CHRM5: variants seen among roughly 807,000 people sequenced by gnomAD.
CHRM5 encodes cholinergic receptor muscarinic 5.
A neutral mutation model predicts 39.0 loss-of-function variants in CHRM5; 18 were observed. That is an observed-to-expected ratio of 0.46 (90% CI 0.32 to 0.68). The LOEUF (loss-of-function observed/expected upper bound fraction) is 0.68. CHRM5 is among the 30% of genes least tolerant of loss of function. The pLI is 0.04. For synonymous variants in CHRM5, 241 were observed against 246.3 expected (o/e 0.98, Z 0.20); for missense variants, 515 against 651.1 (o/e 0.79, Z 2.28).
intron 2 of CHRM5, among the ~76,000 whole-genome samples, chr15:34,053,313 A>AT (rs1480493613): frequency 2.3e-4 from 22 of 94,604 alleles, no homozygotes; most frequent in African/African-American, 3.5e-4. Flanking sequence ...AAAAAAAAAA[A>AT]AAAAAAATAT....
At chr15:34,039,085 G>C (rs1021896833) in intron 1 of CHRM5, 86 of 1,079,138 alleles carry the variant, frequency 8.0e-5, no homozygotes, top group Admixed American at 5.9e-4. Flanking sequence ...CGGGAGCCGA[G>C]CTGCGGCGGA....
intron 1 of CHRM5, among the ~76,000 whole-genome samples, chr15:34,023,136 G>A (rs1363667783): frequency 1.3e-5 from 2 of 152,116 alleles, no homozygotes; most frequent in African/African-American, 4.8e-5. Flanking sequence ...AACTGAGATC[G>A]CGCCACTGCG....
At chr15:34,013,730 T>C (rs1015466766) in intron 1 of CHRM5, among the ~76,000 whole-genome samples, 1 of 151,996 alleles carries the variant, frequency 6.6e-6, no homozygotes, top group African/African-American at 2.4e-5. Context: ...AGAAAAAACA[T>C]CACCAATGGG....
At position 34,062,945 on chromosome 15, in the gene CHRM5, T is replaced by C. The variant is rs750841044; in HGVS notation, c.228T>C (p.Asp76=). Residue 76 remains aspartate, a synonymous_variant, in exon 3 of 3, where the codon GAT becomes GAC. Coordinates refer to ENST00000383263, the MANE Select transcript of CHRM5 (RefSeq NM_012125.4). ...ACCTGCTCAGCTTAGCCTGTGCAGA[T>C]CTCATCATTGGAATCTTCTCCATGA... ...NYYLLSLACA[D]LIIGIFSMNL... 13 of 1,614,050 alleles carry C rather than the reference T, an allele frequency of 8.1e-6. No homozygotes were observed. The highest frequency in any genetic ancestry group is 1.1e-5 in the Non-Finnish European group (13 of 1,180,040).
chr15:33,972,734 A>G (rs1311109707), intron 1 of CHRM5, among the ~76,000 whole-genome samples: 1 of 152,206 alleles, frequency 6.6e-6, no homozygotes, highest in Non-Finnish European at 1.5e-5. Context: ...TGTTTGCAAC[A>G]GTAGCCAAAA....
chr15:34,065,209 T>C lies in CHRM5; in HGVS notation c.*893T>C, dbSNP rs1900478532. 6.6e-6 allele frequency: 1 copy of C among 152,650 alleles called. No individual in the cohort carries two copies. Among genetic ancestry groups the C allele is most frequent in the African/African-American group, 2.4e-5 (1 of 41,452 alleles). 9.5% of individuals were successfully genotyped at this position (152,650 alleles called of 1,614,324 possible). A position where few individuals can be genotyped will look rare whatever the true frequency, so the allele number is the denominator to read the frequency against. ...TATGCTCTGTTCTTAGGAAGACTAA[T>C]TGTGTAAGAGCCCTTCACTGGCTGA... is the stretch of plus-strand genomic sequence containing the variant. On this transcript the variant is annotated 3_prime_UTR_variant, in exon 3 of 3. Transcript: ENST00000383263.
At chr15:34,027,067 A>G (rs1898512406) in intron 1 of CHRM5, among the ~76,000 whole-genome samples, 1 of 152,252 alleles carries the variant, frequency 6.6e-6, no homozygotes, top group African/African-American at 2.4e-5. Context: ...AAAAGCAACA[A>G]GAACACTGAC....
intron 1 of CHRM5, among the ~76,000 whole-genome samples, chr15:33,998,130 T>C (rs12050519): frequency 0.21 from 31,804 of 152,058 alleles, 5,127 homozygotes; most frequent in African/African-American, 0.45. Flanking sequence ...CCATATATTC[T>C]GCCTTTCCTC....
intron 1 of CHRM5, among the ~76,000 whole-genome samples, chr15:34,032,495 C>T (rs1295254484): frequency 6.6e-6 from 1 of 152,136 alleles, no homozygotes; most frequent in Non-Finnish European, 1.5e-5. Context: ...ACCTGGAAAC[C>T]ATATTCTGCA....
chr15:34,050,468 A>T (rs1899893325), intron 2 of CHRM5, among the ~76,000 whole-genome samples: 1 of 152,214 alleles, frequency 6.6e-6, no homozygotes, highest in Non-Finnish European at 1.5e-5. Flanking sequence ...ACCAGCTAGC[A>T]TCATGATGAC....
rs902070325 is a variant in CHRM5 at position 34,038,606 on chromosome 15, C to T, written c.-407-7934C>T. The stretch of plus-strand genomic sequence containing the variant: ...AGGGCCAAGCGCATACCCAGGCGCG[C>T]CCCCGCCACCAGGCGCGCCCCCGCG... On this transcript the variant is annotated intron_variant, in intron 1 of 2. Transcript: ENST00000383263. 2.0e-3 allele frequency among the ~76,000 whole-genome samples: 48 copies of T among 23,734 alleles called. No individual in the cohort carries two copies. In the East Asian group the frequency reaches 0.047, roughly 23 times the overall value. The allele number at this position is 23,734 out of a possible 152,430, so 15.6% of individuals were successfully genotyped here. A position where few individuals can be genotyped will look rare whatever the true frequency, so the allele number is the denominator to read the frequency against.
At chr15:34,054,207 G>T (rs1187177433) in intron 2 of CHRM5, among the ~76,000 whole-genome samples, 1 of 152,122 alleles carries the variant, frequency 6.6e-6, no homozygotes, top group African/African-American at 2.4e-5. Context: ...TGGAGAAAAA[G>T]GAACACTTCT....
rs78112095 is a variant in CHRM5, at chr15:33,987,964, G to A, written c.-408+18814G>A. Among the ~76,000 whole-genome samples, 321 of 152,310 alleles carry A rather than the reference G, an allele frequency of 2.1e-3. 1 individual carries two copies. Among genetic ancestry groups the A allele is most frequent in the Middle Eastern group, 6.8e-3 (2 of 294 alleles). On this transcript the variant is annotated intron_variant, in intron 1 of 2. Transcript: ENST00000383263. ...TCTGTGACTGTCTACACAAGGAGGT[G>A]AAATGCATCAAGAAGGAAAACCACC... is the stretch of plus-strand genomic sequence containing the variant.
chr15:34,044,375 A>T (rs1364447063), intron 1 of CHRM5, among the ~76,000 whole-genome samples: 1 of 152,170 alleles, frequency 6.6e-6, no homozygotes, highest in African/African-American at 2.4e-5. Context: ...GATACAGTTG[A>T]TTACTCCTTC....
At chr15:34,003,480 T>C (rs529188739) in intron 1 of CHRM5, among the ~76,000 whole-genome samples, 33 of 152,336 alleles carry the variant, frequency 2.2e-4, no homozygotes, top group African/African-American at 7.5e-4. Flanking sequence ...ATGTATCCTA[T>C]TTCAATAGTT....
At chr15:34,032,008 C>T (rs547107410) in intron 1 of CHRM5, among the ~76,000 whole-genome samples, 1 of 116,670 alleles carries the variant, frequency 8.6e-6, no homozygotes, top group African/African-American at 2.7e-5. Context: ...TCAACACACA[C>T]ATACGCGCGC....
chr15:33,990,364 AGAGT>A (rs1896669298), intron 1 of CHRM5, among the ~76,000 whole-genome samples: 1 of 152,142 alleles, frequency 6.6e-6, no homozygotes, highest in Non-Finnish European at 1.5e-5. Context: ...CATGGGCGAC[AGAGT>A]GAGACCCTGT....
chr15:34,036,352 A>C (rs1899124967), intron 1 of CHRM5, among the ~76,000 whole-genome samples: 1 of 152,172 alleles, frequency 6.6e-6, no homozygotes, highest in African/African-American at 2.4e-5. Flanking sequence ...GCAGTGGTCC[A>C]AAATAGAAAG....
chr15:34,042,268 T>C (rs1899502390), intron 1 of CHRM5, among the ~76,000 whole-genome samples: 1 of 152,180 alleles, frequency 6.6e-6, no homozygotes, highest in Non-Finnish European at 1.5e-5. Context: ...GAATAAAAAA[T>C]TCAGTTTTCC....
Sources: gnomAD v4.1 joint callset for allele counts (sites outside exome capture counted in the v4.1 genomes callset) on GRCh38, gnomAD v4.1.1 for gene constraint, MANE v1.5 for transcripts, NCBI Gene and HGNC (gene_info 2026-07-23, HGNC 2026-07-21) for gene names.